Variants in NRG1 observed in about 807,000 individuals in gnomAD.
NRG1 encodes pro-neuregulin-1, membrane-bound isoform.
A neutral mutation model predicts 63.8 loss-of-function variants in NRG1; 18 were observed. The observed-to-expected ratio is 0.28, with a 90% confidence interval of 0.19 to 0.42. NRG1 has a LOEUF of 0.42. Among genes scored for constraint, NRG1 ranks in the 10% least tolerant of loss-of-function variants. The pLI is 1.00. For synonymous variants in NRG1, 302 were observed against 301.3 expected (o/e 1.00, Z -0.02); for missense variants, 762 against 814.7 (o/e 0.94, Z 0.79).
chr8:32,032,582 G>A (rs1057017669), intron 1 of NRG1, among the ~76,000 whole-genome samples: 2 of 152,128 alleles, frequency 1.3e-5, no homozygotes, highest in African/African-American at 4.8e-5. Flanking sequence ...ATCTTCTTTT[G>A]AGAAGTGTCT....
chr8:32,126,034 T>G (rs1834030179), intron 1 of NRG1, among the ~76,000 whole-genome samples: 1 of 152,024 alleles, frequency 6.6e-6, no homozygotes, highest in East Asian at 1.9e-4. Flanking sequence ...ATTCTTCACA[T>G]GCATGCCTTC....
At position 32,633,867 on chromosome 8, in the gene NRG1, T is replaced by C. The variant is rs1850791393; in HGVS notation, c.502+16982T>C. Among the ~76,000 whole-genome samples, 3 of 151,948 alleles carry C rather than the reference T, an allele frequency of 2.0e-5. No homozygotes were observed. The South Asian group carries it at 6.2e-4, about 32-fold the overall frequency. ...AAGGCCGGGAGCAGTAGTCTGTAGA[T>C]GAGTCGACTCTCACCTGTAGTCCCA... On this transcript the variant is annotated intron_variant, in intron 5 of 11. Coordinates refer to ENST00000356819, the Ensembl canonical transcript of NRG1.
intron 1 of NRG1, among the ~76,000 whole-genome samples, chr8:32,578,428 T>G (rs1326893104): frequency 6.6e-6 from 1 of 152,140 alleles, no homozygotes; most frequent in Non-Finnish European, 1.5e-5. Context: ...CTTACTACAT[T>G]AACACACGCT....
intron 1 of NRG1, among the ~76,000 whole-genome samples, chr8:31,672,407 C>T (rs939702704): frequency 4.6e-5 from 7 of 151,982 alleles, no homozygotes; most frequent in East Asian, 3.9e-4. Context: ...ATAGTTTCAC[C>T]GAAGCCATGA....
chr8:32,458,480 T>G (rs1202870743), intron 1 of NRG1, among the ~76,000 whole-genome samples: 1 of 152,190 alleles, frequency 6.6e-6, no homozygotes, highest in Non-Finnish European at 1.5e-5. Context: ...TGTTTCACAT[T>G]TCCAAAGGCA....
At chr8:32,557,226 C>A (rs1835360687) in intron 1 of NRG1, among the ~76,000 whole-genome samples, 3 of 152,096 alleles carry the variant, frequency 2.0e-5, no homozygotes, top group Admixed American at 2.0e-4. Flanking sequence ...CCAGGATGGT[C>A]TCGATCTCCT....
intron 1 of NRG1, among the ~76,000 whole-genome samples, chr8:32,259,405 AC>A (rs1850112085): frequency 6.6e-6 from 1 of 151,514 alleles, no homozygotes; most frequent in Admixed American, 6.6e-5. Context: ...CATAAATTTC[AC>A]CCCCGTCCAC....
intron 7 of NRG1, among the ~76,000 whole-genome samples, chr8:32,750,835 C>T (rs900432522): frequency 3.3e-5 from 5 of 151,856 alleles, no homozygotes; most frequent in Non-Finnish European, 1.5e-5. Context: ...AGGGGGAGCA[C>T]CTCTATTACT....
At chr8:32,626,796 G>A (rs929789482) in intron 5 of NRG1, among the ~76,000 whole-genome samples, 5 of 152,058 alleles carry the variant, frequency 3.3e-5, no homozygotes, top group Non-Finnish European at 7.4e-5. Flanking sequence ...CAAGGCGGGC[G>A]GATCACTTGA....
intron 1 of NRG1, among the ~76,000 whole-genome samples, chr8:32,480,911 C>T (rs558886312): frequency 6.6e-6 from 1 of 152,274 alleles, no homozygotes; most frequent in South Asian, 2.1e-4. Flanking sequence ...CCCACTGGGC[C>T]CCACTTCCAA....
At chr8:32,131,086 C>T (rs1325232797) in intron 1 of NRG1, among the ~76,000 whole-genome samples, 2 of 151,984 alleles carry the variant, frequency 1.3e-5, no homozygotes, top group Admixed American at 1.3e-4. Context: ...GAATTCTATA[C>T]AAGGTACTAA....
chr8:31,883,334 A>G (rs192427815), intron 1 of NRG1, among the ~76,000 whole-genome samples: 1 of 152,272 alleles, frequency 6.6e-6, no homozygotes, highest in African/African-American at 2.4e-5. Context: ...AATAGACTAC[A>G]GTATAGTACA....
intron 1 of NRG1, among the ~76,000 whole-genome samples, chr8:31,808,336 T>G (rs942992713): frequency 3.9e-5 from 6 of 152,140 alleles, no homozygotes; most frequent in African/African-American, 1.4e-4. Context: ...ATCTTGTATA[T>G]TTTGGCTTCC....
chr8:32,010,157 AC>A (rs1814512811), intron 1 of NRG1, among the ~76,000 whole-genome samples: 1 of 151,960 alleles, frequency 6.6e-6, no homozygotes, highest in Admixed American at 6.6e-5. Context: ...ATTACTTCAT[AC>A]CCCAAATTAG....
At chr8:32,698,619 C>T (rs561298455) in intron 5 of NRG1, among the ~76,000 whole-genome samples, 10 of 152,236 alleles carry the variant, frequency 6.6e-5, no homozygotes, top group South Asian at 4.1e-4. Flanking sequence ...GGAGGTGAGC[C>T]GGGGAACTGT....
At chr8:32,187,344 T>C (rs1026676814) in intron 1 of NRG1, among the ~76,000 whole-genome samples, 8 of 152,176 alleles carry the variant, frequency 5.3e-5, no homozygotes, top group African/African-American at 1.7e-4. Context: ...GTGTGTTAAA[T>C]GTTACCGGGG....
At chr8:32,672,001 A>C (rs75068018) in intron 5 of NRG1, among the ~76,000 whole-genome samples, 1 of 151,618 alleles carries the variant, frequency 6.6e-6, no homozygotes, top group African/African-American at 2.4e-5. Context: ...GCTTGCCTGG[A>C]AACTAGAGCC....
At chr8:31,647,499 G>A (rs554970936) in intron 1 of NRG1, among the ~76,000 whole-genome samples, 2 of 152,324 alleles carry the variant, frequency 1.3e-5, no homozygotes, top group Admixed American at 6.5e-5. Context: ...GGAGCATCCC[G>A]TCTGTACCTC....
intron 1 of NRG1, among the ~76,000 whole-genome samples, chr8:32,141,559 A>G (rs941735001): frequency 2.2e-5 from 3 of 138,516 alleles, no homozygotes; most frequent in African/African-American, 8.0e-5. Flanking sequence ...TATATACTTT[A>G]TATATGTATA....
Sources: gnomAD v4.1 joint callset for allele counts (sites outside exome capture counted in the v4.1 genomes callset) on GRCh38, gnomAD v4.1.1 for gene constraint, MANE v1.5 for transcripts, NCBI Gene and HGNC (gene_info 2026-07-23, HGNC 2026-07-21) for gene names.